The following SLC25A48 variants were observed in gnomAD, a reference collection of about 807,000 sequenced individuals.
SLC25A48 encodes the protein solute carrier family 25 member 48, also known as CTC-321K16.1.
In SLC25A48, 29 loss-of-function variants were observed where a neutral mutation model predicts 32.2. That is an observed-to-expected ratio of 0.90 (90% CI 0.67 to 1.23). The LOEUF (loss-of-function observed/expected upper bound fraction) is 1.23. Among genes scored for constraint, SLC25A48 ranks in the 50% most tolerant of loss-of-function variants. The probability of loss-of-function intolerance (pLI) is 0.00; values close to 1 mark genes in which losing one functional copy is unlikely to be tolerated. For synonymous variants in SLC25A48, 164 were observed against 172.3 expected, an observed-to-expected ratio of 0.95 and a Z score of 0.38; for missense variants, 399 against 422.7, an observed-to-expected ratio of 0.94 and a Z score of 0.49.
At chr5:135,756,911 CTG>C (rs1349715683) in intron 3 of SLC25A48, among the ~76,000 whole-genome samples, 14 of 150,258 alleles carry the variant, frequency 9.3e-5, no homozygotes, top group East Asian at 3.9e-4. Context: ...TATTAACACA[CTG>C]TGATAGTAAT....
At chr5:135,598,096 A>C (rs1033020021) in intron 1 of SLC25A48, among the ~76,000 whole-genome samples, 1 of 152,190 alleles carries the variant, frequency 6.6e-6, no homozygotes, top group Non-Finnish European at 1.5e-5. Flanking sequence ...GGAAAGAACC[A>C]GTCCAAAAGA....
chr5:135,790,948 G>T (rs4976457), intron 3 of SLC25A48, among the ~76,000 whole-genome samples: 99,141 of 148,062 alleles, frequency 0.67, 34,421 homozygotes, highest in Non-Finnish European at 0.78. Context: ...TTCACAGTAA[G>T]TGTACATTAT....
At chr5:135,853,933 C>T (rs781270105) in intron 4 of SLC25A48, among the ~76,000 whole-genome samples, 5 of 152,190 alleles carry the variant, frequency 3.3e-5, no homozygotes, top group Non-Finnish European at 5.9e-5. Context: ...CCTTGATTCA[C>T]GGGCTGCCGA....
chr5:135,785,554 AG>A (rs142799542), intron 3 of SLC25A48, among the ~76,000 whole-genome samples: 2 of 145,456 alleles, frequency 1.4e-5, no homozygotes, highest in Non-Finnish European at 3.0e-5. Context: ...CGTAATATCC[AG>A]GGGGGGAGAG....
intron 6 of SLC25A48, among the ~76,000 whole-genome samples, chr5:135,878,611 C>T (rs1299579371): frequency 6.6e-6 from 1 of 152,116 alleles, no homozygotes; most frequent in African/African-American, 2.4e-5. Flanking sequence ...AGGAAGGCCA[C>T]CTGATATCCT....
intron 1 of SLC25A48, among the ~76,000 whole-genome samples, chr5:135,603,244 G>A (rs1751843537): frequency 6.6e-6 from 1 of 152,180 alleles, no homozygotes; most frequent in Admixed American, 6.5e-5. Flanking sequence ...CTAGGCTCCT[G>A]AGGCCATGCT....
At chr5:135,740,755 G>A (rs886942720) in intron 3 of SLC25A48, among the ~76,000 whole-genome samples, 5 of 152,146 alleles carry the variant, frequency 3.3e-5, no homozygotes, top group African/African-American at 9.7e-5. Flanking sequence ...CAGATGCTGG[G>A]GTGGACTCTG....
At chr5:135,741,065 A>C (rs748268669) in intron 3 of SLC25A48, among the ~76,000 whole-genome samples, 1 of 152,242 alleles carries the variant, frequency 6.6e-6, no homozygotes, top group East Asian at 1.9e-4. Context: ...GTCAGGCCCT[A>C]TGCTAAGTGC....
intron 3 of SLC25A48, among the ~76,000 whole-genome samples, chr5:135,756,013 CTA>C (rs1246173139): frequency 6.6e-6 from 1 of 151,792 alleles, no homozygotes; most frequent in East Asian, 1.9e-4. Context: ...TGAAATTTCA[CTA>C]TGATATTTAT....
chr5:135,792,381 T>C (rs1240659003), intron 3 of SLC25A48, among the ~76,000 whole-genome samples: 2 of 151,670 alleles, frequency 1.3e-5, no homozygotes, highest in Admixed American at 1.3e-4. Flanking sequence ...CCACAGGGGG[T>C]GATATCATTT....
intron 1 of SLC25A48, among the ~76,000 whole-genome samples, chr5:135,625,519 G>C (rs1752422920): frequency 6.6e-6 from 1 of 152,146 alleles, no homozygotes; most frequent in East Asian, 1.9e-4. Context: ...TGTGGGACAT[G>C]ATGTGGCCCT....
At chr5:135,634,026 A>G (rs1193058893) in intron 2 of SLC25A48, among the ~76,000 whole-genome samples, 2 of 152,218 alleles carry the variant, frequency 1.3e-5, no homozygotes, top group Non-Finnish European at 2.9e-5. Flanking sequence ...GAATTGGGCA[A>G]GGCCGAGTGC....
At chr5:135,711,205 A>G (rs1754654883) in intron 3 of SLC25A48, among the ~76,000 whole-genome samples, 1 of 152,206 alleles carries the variant, frequency 6.6e-6, no homozygotes, top group African/African-American at 2.4e-5. Flanking sequence ...TTGAGATTTG[A>G]GATATTTCTG....
chr5:135,716,272 C>T (rs1469853282), intron 3 of SLC25A48, among the ~76,000 whole-genome samples: 1 of 152,224 alleles, frequency 6.6e-6, no homozygotes, highest in East Asian at 1.9e-4. Flanking sequence ...AGCACAATTA[C>T]TGAGAAAACT....
intron 1 of SLC25A48, among the ~76,000 whole-genome samples, chr5:135,608,834 G>A (rs1234253684): frequency 6.6e-6 from 1 of 152,218 alleles, no homozygotes; most frequent in Admixed American, 6.5e-5. Context: ...TCTGTCAAAT[G>A]TGAGAGGGAT....
chr5:135,725,639 C>T (rs976541200), intron 3 of SLC25A48, among the ~76,000 whole-genome samples: 1 of 152,178 alleles, frequency 6.6e-6, no homozygotes, highest in Non-Finnish European at 1.5e-5. Context: ...TACTGTTTCC[C>T]TCTCGTGGGC....
At chr5:135,618,462 T>C (rs1752240532) in intron 1 of SLC25A48, among the ~76,000 whole-genome samples, 1 of 152,176 alleles carries the variant, frequency 6.6e-6, no homozygotes. Context: ...AAAAAGTTGA[T>C]TTCTGGTTGT....
chr5:135,740,481 T>C (rs1386625339), intron 3 of SLC25A48, among the ~76,000 whole-genome samples: 1 of 152,100 alleles, frequency 6.6e-6, no homozygotes, highest in Non-Finnish European at 1.5e-5. Context: ...TTCAAGCTTA[T>C]GTACAAGGCA....
chr5:135,761,051 A>T (rs990620347), intron 3 of SLC25A48, among the ~76,000 whole-genome samples: 3 of 151,994 alleles, frequency 2.0e-5, no homozygotes, highest in Non-Finnish European at 4.4e-5. Flanking sequence ...TGTAATTCCA[A>T]CACTTTGGGA....
Sources: allele counts gnomAD v4.1 joint callset (sites outside exome capture counted in the v4.1 genomes callset), GRCh38; gene constraint gnomAD v4.1.1; transcripts MANE v1.5; gene names NCBI Gene and HGNC (gene_info 2026-07-23, HGNC 2026-07-21).